Variants in NRAP observed in about 807,000 individuals in gnomAD.
NRAP encodes nebulin-related-anchoring protein.
Under a neutral mutation model 225.9 loss-of-function variants are expected in NRAP, and 189 were observed. The ratio of observed to expected loss-of-function variants is 0.84; its 90% CI spans 0.74 to 0.94. The LOEUF (loss-of-function observed/expected upper bound fraction) is 0.94. NRAP is among the 40% of genes least tolerant of loss of function. NRAP has a pLI of 0.00. For missense variants in NRAP, 2,176 were observed against 2,168.7 expected (o/e 1.00, Z -0.07); for synonymous variants, 769 against 790.7 (o/e 0.97, Z 0.46).
At chr10:113,660,005 T>G (rs569508091) in intron 3 of NRAP, among the ~76,000 whole-genome samples, 1 of 151,824 alleles carries the variant, frequency 6.6e-6, no homozygotes, top group East Asian at 1.9e-4. Flanking sequence ...TTGTCCGTTT[T>G]ACTTTGTCCC....
intron 32 of NRAP, 35 bp downstream of exon 32, chr10:113,608,379 A>T (rs1448612242): frequency 3.7e-6 from 5 of 1,353,296 alleles, no homozygotes; most frequent in South Asian, 3.6e-5. Flanking sequence ...AGCAGTTTTT[A>T]AAAAGACCAT....
intron 3 of NRAP, among the ~76,000 whole-genome samples, chr10:113,661,193 T>C (rs1850652102): frequency 6.6e-6 from 1 of 152,156 alleles, no homozygotes; most frequent in African/African-American, 2.4e-5. Flanking sequence ...TGAGCAACAA[T>C]TTGAGCCTCT....
At chr10:113,621,820 C>T in intron 24 of NRAP, 49 bp downstream of exon 24, 1 of 1,530,474 alleles carries the variant, frequency 6.5e-7, no homozygotes. Flanking sequence ...CTAGCACACA[C>T]ACAACACACA....
At chr10:113,597,061 G>C in intron 37 of NRAP, 25 bp downstream of exon 37, 1 of 1,494,088 alleles carries the variant, frequency 6.7e-7, no homozygotes, top group Non-Finnish European at 9.3e-7. Context: ...TGCATGCCCG[G>C]GATGAATGAC....
intron 32 of NRAP, 138 bp downstream of exon 32, chr10:113,608,276 C>G: frequency 1.7e-6 from 1 of 598,776 alleles, no homozygotes; most frequent in East Asian, 2.7e-5. Flanking sequence ...TGTTTAGGTT[C>G]CATATAATGA....
At chr10:113,656,541 A>G (rs888311200) in intron 4 of NRAP, among the ~76,000 whole-genome samples, 4 of 152,252 alleles carry the variant, frequency 2.6e-5, no homozygotes, top group Non-Finnish European at 4.4e-5. Context: ...TTGGGTTTAT[A>G]TAACATATAT....
At chr10:113,650,308 T>A in intron 8 of NRAP, 130 bp downstream of exon 8, 2 of 812,610 alleles carry the variant, frequency 2.5e-6, no homozygotes, top group Non-Finnish European at 4.1e-6. Flanking sequence ...AAAATTGACT[T>A]AAAACTATAA....
At chr10:113,605,192 A>T (rs1398588979) in intron 34 of NRAP, among the ~76,000 whole-genome samples, 2 of 152,250 alleles carry the variant, frequency 1.3e-5, no homozygotes, top group Non-Finnish European at 2.9e-5. Flanking sequence ...AAAGGGTGAA[A>T]GAGAAACTTG....
Position 113,629,033 on chromosome 10 carries a change from A to G in NRAP, c.2041-12T>C. ...GCCTTGTACTGCAGCTACAAAAGAAAAACCACAAAGCTCTCATTGGGCGCA... is the reference window on the plus strand; with the variant it reads ...GCCTTGTACTGCAGCTACAAAAGAAGAACCACAAAGCTCTCATTGGGCGCA... On this transcript the variant is annotated splice_polypyrimidine_tract_variant and intron_variant, in intron 19 of 41. Transcript: ENST00000359988. 6.3e-7 allele frequency: 1 copy of G among 1,594,224 alleles called. No individual in the cohort carries two copies. The highest frequency in any genetic ancestry group is 8.6e-7 in the Non-Finnish European group (1 of 1,161,862).
intron 16 of NRAP, among the ~76,000 whole-genome samples, chr10:113,632,880 T>C (rs976790379): frequency 1.3e-5 from 2 of 152,238 alleles, no homozygotes; most frequent in African/African-American, 2.4e-5. Flanking sequence ...GCTCATATAA[T>C]GGGAATAAAT....
chr10:113,615,864 C>T (rs1354756623), intron 26 of NRAP, 48 bp from the exon 27 acceptor site: 1 of 1,029,066 alleles, frequency 9.7e-7, no homozygotes, highest in African/African-American at 1.6e-5. Context: ...CCATTCCATG[C>T]AGCCATCAGC....
Position 113,610,464 on chromosome 10 carries a change from T to A in NRAP, c.3598A>T (p.Ser1200Cys). Residue 1200 changes from serine (S) to cysteine (C), a missense_variant, in exon 31 of 42, where the codon AGT (serine) becomes TGT (cysteine). Transcript: ENST00000359988. ...EGRKKASELISESKYRQHPHS... is the reference protein window; with the variant it reads ...EGRKKASELICESKYRQHPHS... Reference sequence around the variant, plus strand: ...ACACCAGCATCTGTAGTTACCTCACTGATGAGTTCCGATGCTTTCTTCCTC... The same window carrying A: ...ACACCAGCATCTGTAGTTACCTCACAGATGAGTTCCGATGCTTTCTTCCTC... 6.8e-7 allele frequency: 1 copy of A among 1,475,994 alleles called. No homozygotes were observed. Among genetic ancestry groups the A allele is most frequent in the Non-Finnish European group, 9.5e-7 (1 of 1,052,926 alleles). 91.4% of individuals were successfully genotyped at this position (1,475,994 alleles called of 1,614,324 possible).
At chr10:113,649,304 C>A (rs1849788774) in intron 9 of NRAP, among the ~76,000 whole-genome samples, 1 of 152,170 alleles carries the variant, frequency 6.6e-6, no homozygotes, top group East Asian at 1.9e-4. Flanking sequence ...TACTTACTGA[C>A]AAATAATTCA....
At chr10:113,660,743 C>T (rs1850624614) in intron 3 of NRAP, among the ~76,000 whole-genome samples, 1 of 152,172 alleles carries the variant, frequency 6.6e-6, no homozygotes, top group Admixed American at 6.5e-5. Context: ...ATCCTCGCTA[C>T]ACAACTGCAG....
At chr10:113,592,838 C>G (rs553416223) in intron 38 of NRAP, among the ~76,000 whole-genome samples, 8 of 152,166 alleles carry the variant, frequency 5.3e-5, no homozygotes, top group African/African-American at 1.7e-4. Flanking sequence ...GGTGCCTGCA[C>G]GAAGGGAAGA....
chr10:113,595,618 C>CT lies in NRAP; in HGVS notation c.4536+4dup. On this transcript the variant is annotated splice_donor_region_variant and intron_variant, in intron 38 of 41. Transcript: ENST00000359988. ...ACACGTTCCATGAACCACCAGTTCA[C>CT]TTACGTCACTCAGATGCAGCGCATT... 6.3e-7 allele frequency: 1 copy of CT among 1,585,756 alleles called. No individual in the cohort carries two copies. Among genetic ancestry groups the CT allele is most frequent in the South Asian group, 1.1e-5 (1 of 90,522 alleles).
chr10:113,627,990 C>A (rs889718344), intron 20 of NRAP, among the ~76,000 whole-genome samples: 8 of 152,166 alleles, frequency 5.3e-5, no homozygotes, highest in African/African-American at 1.9e-4. Context: ...ACTCAGCCTT[C>A]TTGGCCCTGA....
At chr10:113,633,288 A>C in intron 15 of NRAP, 100 bp from the exon 16 acceptor site, 1 of 681,906 alleles carries the variant, frequency 1.5e-6, no homozygotes, top group South Asian at 1.7e-5. Flanking sequence ...GTTGAGAAGG[A>C]GTTTCCAGAA....
At chr10:113,618,685 G>A (rs1847808763) in intron 25 of NRAP, among the ~76,000 whole-genome samples, 2 of 152,166 alleles carry the variant, frequency 1.3e-5, no homozygotes, top group African/African-American at 4.8e-5. Flanking sequence ...AGTGGCTCAC[G>A]CCTGTAGCCC....
Sources: gnomAD v4.1 joint callset for allele counts (sites outside exome capture counted in the v4.1 genomes callset) on GRCh38, gnomAD v4.1.1 for gene constraint, MANE v1.5 for transcripts, NCBI Gene and HGNC (gene_info 2026-07-23, HGNC 2026-07-21) for gene names.